FOXP4: variants seen among roughly 807,000 people sequenced by gnomAD.
The protein encoded by FOXP4 is forkhead box P4, also known as forkhead box protein P4.
FOXP4 carries 25 observed loss-of-function variants against 82.6 expected under a neutral mutation model. The ratio of observed to expected loss-of-function variants is 0.30; its 90% CI spans 0.22 to 0.42. FOXP4 has a LOEUF of 0.42. FOXP4 is among the 10% of genes least tolerant of loss of function. The probability of loss-of-function intolerance (pLI) is 1.00; values close to 1 mark genes in which losing one functional copy is unlikely to be tolerated. For missense variants in FOXP4, 785 were observed against 900.9 expected (o/e 0.87, Z 1.65); for synonymous variants, 415 against 388.2 (o/e 1.07, Z -0.81).
At chr6:41,553,320 G>A (rs1232345656) in intron 1 of FOXP4, among the ~76,000 whole-genome samples, 3 of 149,506 alleles carry the variant, frequency 2.0e-5, no homozygotes, top group Admixed American at 1.4e-4. Flanking sequence ...ATTGAATCTC[G>A]TTGGGAGAGA....
chr6:41,564,107 T>C (rs1764741969), intron 1 of FOXP4, among the ~76,000 whole-genome samples: 1 of 152,336 alleles, frequency 6.6e-6, no homozygotes, highest in East Asian at 1.9e-4. Context: ...GGACTGTGAC[T>C]CGGGGGTAGT....
intron 1 of FOXP4, among the ~76,000 whole-genome samples, chr6:41,547,214 C>G (rs916291702): frequency 6.6e-6 from 1 of 151,934 alleles, no homozygotes; most frequent in East Asian, 1.9e-4. Context: ...GCCGGAGAGG[C>G]CACCGAGGCC....
chr6:41,576,041 C>T (rs1456907497), intron 2 of FOXP4, among the ~76,000 whole-genome samples: 2 of 151,220 alleles, frequency 1.3e-5, no homozygotes, highest in East Asian at 1.9e-4. Flanking sequence ...TGCCCTTCCT[C>T]ACCCGCAACC....
chr6:41,550,770 A>T (rs1763952073), intron 1 of FOXP4, among the ~76,000 whole-genome samples: 1 of 152,242 alleles, frequency 6.6e-6, no homozygotes, highest in African/African-American at 2.4e-5. Context: ...AGCATTCCCC[A>T]GGCACTCCTA....
At chr6:41,598,491 T>C (rs1296298654) in intron 16 of FOXP4, among the ~76,000 whole-genome samples, 1 of 152,172 alleles carries the variant, frequency 6.6e-6, no homozygotes, top group Non-Finnish European at 1.5e-5. Flanking sequence ...ATGCTGGGAT[T>C]ACATGTGTGA....
At chr6:41,584,691 G>T in intron 3 of FOXP4, 78 bp from the exon 4 acceptor site, 1 of 1,465,432 alleles carries the variant, frequency 6.8e-7, no homozygotes, top group South Asian at 1.4e-5. Flanking sequence ...ACTCTGCCAC[G>T]CTGAGAGTGG....
chr6:41,549,787 G>A (rs1392235120), intron 1 of FOXP4, among the ~76,000 whole-genome samples: 2 of 151,656 alleles, frequency 1.3e-5, no homozygotes, highest in Non-Finnish European at 1.5e-5. Context: ...TCAGAGGAGA[G>A]TTGTGAGGTG....
intron 1 of FOXP4, among the ~76,000 whole-genome samples, chr6:41,553,694 G>A (rs558081767): frequency 1.3e-5 from 2 of 152,328 alleles, no homozygotes; most frequent in South Asian, 4.1e-4. Context: ...GACTAGGGGA[G>A]GGAGGAAGAG....
At chr6:41,585,555 C>T in intron 5 of FOXP4, 38 bp downstream of exon 5, 2 of 1,590,738 alleles carry the variant, frequency 1.3e-6, no homozygotes, top group Non-Finnish European at 1.7e-6. Context: ...CGCCCTCACC[C>T]CCTGCCCAGA....
At chr6:41,554,673 A>T (rs987571031) in intron 1 of FOXP4, among the ~76,000 whole-genome samples, 10 of 152,136 alleles carry the variant, frequency 6.6e-5, no homozygotes, top group African/African-American at 2.4e-4. Context: ...CATCCTGGCC[A>T]ACATGGCGAA....
intron 1 of FOXP4, among the ~76,000 whole-genome samples, chr6:41,553,180 A>G (rs1764093465): frequency 6.6e-6 from 1 of 152,154 alleles, no homozygotes; most frequent in Non-Finnish European, 1.5e-5. Context: ...CTCCTTCCCA[A>G]TTAGGCAGTG....
chr6:41,570,815 G>T lies in FOXP4; in HGVS notation c.204+4851G>T, dbSNP rs552790174. On this transcript the variant is annotated intron_variant, in intron 2 of 16. Coordinates refer to ENST00000307972, the MANE Select transcript of FOXP4 (RefSeq NM_001012426.2). The stretch of plus-strand genomic sequence containing the variant: ...TATCTTGAGGATTGAAGTGGGGAAG[G>T]CTGCATCCTAGGGTCACCTCATCAG... Among the ~76,000 whole-genome samples, 3 of 152,238 alleles carry T rather than the reference G, an allele frequency of 2.0e-5. No homozygotes were observed. The South Asian group carries it at 6.2e-4, about 32-fold the overall frequency.
chr6:41,582,353 G>A (rs150290605), intron 3 of FOXP4, among the ~76,000 whole-genome samples: 18 of 152,330 alleles, frequency 1.2e-4, no homozygotes, highest in South Asian at 4.1e-4. Context: ...GCCAAGTGCC[G>A]TGCTGGGCAC....
At chr6:41,585,985 C>G (rs1417145653) in intron 5 of FOXP4, among the ~76,000 whole-genome samples, 1 of 152,050 alleles carries the variant, frequency 6.6e-6, no homozygotes, top group Non-Finnish European at 1.5e-5. Context: ...CCAGCCACCC[C>G]TCGGTCTCCT....
chr6:41,597,206 T>C lies in FOXP4; in HGVS notation c.1689T>C (p.Ser563=), dbSNP rs2127408294. The change falls in exon 15 of 17, where the codon TCT becomes TCC. Residue 563 remains serine (S), a synonymous_variant. Coordinates refer to ENST00000307972, the MANE Select transcript of FOXP4 (RefSeq NM_001012426.2). ...GSPTLVKNMI[S]GLSYGALNAS... ...CCACCCTGGTGAAGAACATGATCTC[T>C]GGCCTCAGCTATGGAGCACTTAATG... is the stretch of plus-strand genomic sequence containing the variant. 6.2e-7 allele frequency: 1 copy of C among 1,614,144 alleles called. No individual in the cohort carries two copies. The highest frequency in any genetic ancestry group is 2.2e-5 in the East Asian group (1 of 44,878).
In FOXP4 at chr6:41,587,423, G is replaced by A. The variant is rs375722090; in HGVS notation, c.783G>A (p.Ser261=). The A allele has an allele frequency of 1.3e-5, 21 of 1,579,576 alleles. No homozygotes were observed. The highest frequency in any genetic ancestry group is 1.7e-4 in the Middle Eastern group (1 of 5,874). The change falls in exon 7 of 17, where the codon TCG becomes TCA. Residue 261 remains serine, a synonymous_variant. Coordinates refer to ENST00000307972, the MANE Select transcript of FOXP4 (RefSeq NM_001012426.2). ...CTGGCACGGCCGCCACCGCTACCTCGTTTGCCGCTCCCCCCAAGGTCTCAC... is the reference window on the plus strand; with the variant it reads ...CTGGCACGGCCGCCACCGCTACCTCATTTGCCGCTCCCCCCAAGGTCTCAC... The part of the protein sequence containing the change: ...DLTGTAATAT[S]FAAPPKVSPP...
chr6:41,551,247 C>G (rs1243781732), intron 1 of FOXP4, among the ~76,000 whole-genome samples: 11 of 152,246 alleles, frequency 7.2e-5, no homozygotes. Flanking sequence ...CACATCTGGA[C>G]AGGGCCGCAG....
At chr6:41,582,383 G>A (rs936171781) in intron 3 of FOXP4, among the ~76,000 whole-genome samples, 9 of 152,228 alleles carry the variant, frequency 5.9e-5, no homozygotes, top group African/African-American at 2.2e-4. Flanking sequence ...AGTCAGCAAC[G>A]TCTGCTAATG....
At chr6:41,559,577 C>T (rs1388386887) in intron 1 of FOXP4, among the ~76,000 whole-genome samples, 1 of 152,198 alleles carries the variant, frequency 6.6e-6, no homozygotes, top group South Asian at 2.1e-4. Context: ...AGTCCTTTAC[C>T]TGCAGCTCTC....
Sources: gnomAD v4.1 joint callset for allele counts (sites outside exome capture counted in the v4.1 genomes callset) on GRCh38, gnomAD v4.1.1 for gene constraint, MANE v1.5 for transcripts, NCBI Gene and HGNC (gene_info 2026-07-23, HGNC 2026-07-21) for gene names.